Variants in ZC3H7B observed in about 807,000 individuals in gnomAD.
ZC3H7B encodes zinc finger CCCH-type containing 7B.
A neutral mutation model predicts 116.0 loss-of-function variants in ZC3H7B; 35 were observed. The observed-to-expected ratio is 0.30, with a 90% CI of 0.23 to 0.40. The LOEUF (loss-of-function observed/expected upper bound fraction) is 0.40. Among genes scored for constraint, ZC3H7B ranks in the 10% least tolerant of loss-of-function variants. ZC3H7B has a pLI of 1.00. For synonymous variants in ZC3H7B, 502 were observed against 545.6 expected (o/e 0.92, Z 1.11); for missense variants, 1,011 against 1,321.5 (o/e 0.77, Z 3.64).
intron 6 of ZC3H7B, among the ~76,000 whole-genome samples, chr22:41,331,927 TGA>T (rs2036388713): frequency 1.3e-5 from 2 of 152,262 alleles, no homozygotes; most frequent in South Asian, 4.2e-4. Flanking sequence ...GCATGGTGCC[TGA>T]CACACAGTAG....
rs1569245346 is a variant in ZC3H7B at position 41,356,783 on chromosome 22, A to G, written c.2656A>G (p.Met886Val). ...DASGWAFRFP[M>V]GEFRLCDRLQ... ...CAGCGGCTGGGCCTTCCGCTTCCCC[A>G]TGGGCGAGTTCCGGCTCTGCGACAG... The change falls in exon 22 of 23, where the codon ATG (methionine) becomes GTG (valine). Residue 886 changes from methionine (M) to valine (V), a missense_variant. By Grantham distance (21) the Met-to-Val change is conservative. Transcript: ENST00000352645. The G allele has an allele frequency of 1.2e-6, 2 of 1,613,482 alleles. No homozygotes were observed. The highest frequency in any genetic ancestry group is 1.7e-5 in the Admixed American group (1 of 60,034).
Position 41,340,048 on chromosome 22 carries a change from A to G in ZC3H7B, c.1049A>G (p.Asp350Gly), listed in dbSNP as rs2036499788. The change falls in exon 10 of 23, where the codon GAC becomes GGC. Residue 350 changes from aspartate to glycine, a missense_variant. Coordinates refer to ENST00000352645, the MANE Select transcript of ZC3H7B (RefSeq NM_017590.6). ...DPPGPTLDPL[D>G]LLPYSETRLD... ...CCGGGCCCCACGCTGGACCCCCTGGACCTGCTGCCGTACTCGGAGACCCGG... is the reference window on the plus strand; with the variant it reads ...CCGGGCCCCACGCTGGACCCCCTGGGCCTGCTGCCGTACTCGGAGACCCGG... 6.2e-7 allele frequency: 1 copy of G among 1,611,270 alleles called. No homozygotes were observed. Among genetic ancestry groups the G allele is most frequent in the African/African-American group, 1.3e-5 (1 of 74,792 alleles).
At chr22:41,329,976 TGAGCCCGGGCA>T in intron 5 of ZC3H7B, 36 bp from the exon 6 acceptor site, 1 of 1,602,402 alleles carries the variant, frequency 6.2e-7, no homozygotes, top group Non-Finnish European at 8.5e-7. Flanking sequence ...CACAGCTTTG[TGAGCCCGGGCA>T]GACTGACCCA....
intron 1 of ZC3H7B, among the ~76,000 whole-genome samples, chr22:41,303,619 C>A (rs975826198): frequency 1.3e-5 from 2 of 152,182 alleles, no homozygotes; most frequent in African/African-American, 4.8e-5. Flanking sequence ...AGATAAGAAA[C>A]CTTAGGCCGA....
At chr22:41,314,891 A>T (rs1300174541) in intron 1 of ZC3H7B, among the ~76,000 whole-genome samples, 1 of 122,670 alleles carries the variant, frequency 8.2e-6, no homozygotes, top group East Asian at 2.0e-4. Context: ...TACAGGCATG[A>T]GTCACCATGC....
chr22:41,354,066 C>T (rs1271518065), intron 17 of ZC3H7B, among the ~76,000 whole-genome samples: 1 of 152,182 alleles, frequency 6.6e-6, no homozygotes, highest in Non-Finnish European at 1.5e-5. Flanking sequence ...CCCCTCTTGC[C>T]ACCTGCTATG....
At chr22:41,306,729 G>C (rs1434586647) in intron 1 of ZC3H7B, among the ~76,000 whole-genome samples, 1 of 152,168 alleles carries the variant, frequency 6.6e-6, no homozygotes, top group Non-Finnish European at 1.5e-5. Flanking sequence ...CATTTTACAG[G>C]TGAAGAAACT....
At chr22:41,348,502 G>A (rs919697528) in intron 15 of ZC3H7B, among the ~76,000 whole-genome samples, 1 of 152,190 alleles carries the variant, frequency 6.6e-6, no homozygotes, top group Non-Finnish European at 1.5e-5. Flanking sequence ...AGCAAGCGGG[G>A]GGCCTCGTCT....
Position 41,351,592 on chromosome 22 carries a change from T to C in ZC3H7B, c.1980T>C (p.Ser660=), listed in dbSNP as rs767326738. The change falls in exon 17 of 23, where the codon TCT becomes TCC. Residue 660 remains serine (S), a synonymous_variant. Coordinates refer to ENST00000352645, the MANE Select transcript of ZC3H7B (RefSeq NM_017590.6). The surrounding 1 kb of genome is among the most constrained non-coding windows in gnomAD (Gnocchi z 5.1). ...CCCACGAAGACATCGTTCAGGAGTC[T>C]AAGAAGTACTGGCAGCAGATGGAGG... ...GMTHEDIVQE[S]KKYWQQMEAH... 1 of 1,613,970 alleles carries C rather than the reference T, an allele frequency of 6.2e-7. No individual in the cohort carries two copies. The highest frequency in any genetic ancestry group is 8.5e-7 in the Non-Finnish European group (1 of 1,179,968).
At position 41,356,038 on chromosome 22, in the gene ZC3H7B, T is replaced by G. The variant is rs2036711654; in HGVS notation, c.2359T>G (p.Trp787Gly). 1 of 1,567,302 alleles carries G rather than the reference T, an allele frequency of 6.4e-7. No individual in the cohort carries two copies. Among genetic ancestry groups the G allele is most frequent in the Non-Finnish European group, 8.6e-7 (1 of 1,162,166 alleles). ...FAHSPEERDM[W>G]TFMKENKILD... ...ACACAGCCCGGAGGAGAGGGACATG[T>G]GGACCTTCATGAAGGAGAACAAGAG... The change falls in exon 20 of 23, where the codon TGG becomes GGG. Residue 787 changes from tryptophan (W) to glycine (G), a missense_variant. Around this residue, in one of 5 missense-constraint regions of ZC3H7B, gnomAD observed 406 missense variants for 590.2 expected, o/e 0.69. Transcript: ENST00000352645.
chr22:41,327,518 A>G lies in ZC3H7B; in HGVS notation c.444+154A>G, dbSNP rs112149570. Among the ~76,000 whole-genome samples the G allele has an allele frequency of 1.1e-3, 175 of 152,290 alleles. 2 individuals are homozygous for G. Among genetic ancestry groups the G allele is most frequent in the African/African-American group, 3.9e-3 (164 of 41,560 alleles). On this transcript the variant is annotated intron_variant, in intron 5 of 22. Transcript: ENST00000352645. The surrounding 1 kb of genome is among the most constrained non-coding windows in gnomAD (Gnocchi z 4.5). Reference sequence around the variant, plus strand: ...GATCCTGATGTTAACACTAGCTCCCATTCTCTGAGCGCTGACTGGGTGCCA... The same window carrying G: ...GATCCTGATGTTAACACTAGCTCCCGTTCTCTGAGCGCTGACTGGGTGCCA...
At chr22:41,356,844 G>A (rs758786112) in intron 22 of ZC3H7B, 36 bp downstream of exon 22, 2 of 1,610,952 alleles carry the variant, frequency 1.2e-6, no homozygotes, top group South Asian at 2.2e-5. Context: ...CGGGACATGG[G>A]GTGGCCCGAG....
Position 41,343,403 on chromosome 22 carries a change from C to A in ZC3H7B, c.1298-12C>A. 6 of 1,602,806 alleles carry A rather than the reference C, an allele frequency of 3.7e-6. No individual in the cohort carries two copies. The highest frequency in any genetic ancestry group is 5.1e-6 in the Non-Finnish European group (6 of 1,171,906). ...CTTCCGGAATTATCATGTGTGTCCA[C>A]CCTGCCCATAGGCCCCCGGGCTGGC... On this transcript the variant is annotated splice_polypyrimidine_tract_variant and intron_variant, in intron 12 of 22. Coordinates refer to ENST00000352645, the MANE Select transcript of ZC3H7B (RefSeq NM_017590.6).
In ZC3H7B at chr22:41,339,204, A is replaced by G. The variant is rs750706816; in HGVS notation, c.816+13A>G. ...CCTGGACTCGCTGGTGAGCCACACCACCCTCCTTGTGCTCCCCTGATCCCC... is the reference window on the plus strand; with the variant it reads ...CCTGGACTCGCTGGTGAGCCACACCGCCCTCCTTGTGCTCCCCTGATCCCC... On this transcript the variant is annotated intron_variant, in intron 9 of 22. Transcript: ENST00000352645. 1.3e-6 allele frequency: 2 copies of G among 1,588,902 alleles called. No homozygotes were observed. The highest frequency in any genetic ancestry group is 1.2e-5 in the South Asian group (1 of 86,804).
intron 1 of ZC3H7B, among the ~76,000 whole-genome samples, chr22:41,305,996 A>G (rs893111588): frequency 2.0e-5 from 3 of 152,218 alleles, no homozygotes; most frequent in African/African-American, 7.2e-5. Context: ...CCATTTGAAC[A>G]TCTGAAAGAT....
rs1401896950 is a variant in ZC3H7B, at chr22:41,349,969, T to C, written c.1948+668T>C. 1.3e-5 allele frequency among the ~76,000 whole-genome samples: 2 copies of C among 152,224 alleles called. No individual in the cohort carries two copies. Among genetic ancestry groups the C allele is most frequent in the Non-Finnish European group, 2.9e-5 (2 of 68,036 alleles). On this transcript the variant is annotated intron_variant, in intron 16 of 22. Coordinates refer to ENST00000352645, the MANE Select transcript of ZC3H7B (RefSeq NM_017590.6). The surrounding 1 kb of genome is among the most constrained non-coding windows in gnomAD (Gnocchi z 4.9). ...GGGCGGGGATTTAAAATATGGTACATATAACATTCAGTGTCTGCTTAGAGT... is the reference window on the plus strand; with the variant it reads ...GGGCGGGGATTTAAAATATGGTACACATAACATTCAGTGTCTGCTTAGAGT...
chr22:41,332,249 C>A (rs1480771830), intron 7 of ZC3H7B, 22 bp downstream of exon 7: 3 of 1,613,854 alleles, frequency 1.9e-6, no homozygotes, highest in Non-Finnish European at 2.5e-6. Flanking sequence ...GCTGAACCAA[C>A]CTGTCTCAGT....
Position 41,357,321 on chromosome 22 carries a change from GGAC to G in ZC3H7B, c.2833_2835del (p.Asp945del). Reference sequence around the variant, plus strand: ...GCAAGGACATGCTGCTGTGCCCACGGGACGACGACTTTGGCAAATACAACTTCC... The same window carrying G: ...GCAAGGACATGCTGCTGTGCCCACGGGACGACTTTGGCAAATACAACTTCC... On this transcript the variant is annotated inframe_deletion, in exon 23 of 23. Transcript: ENST00000352645. This position sits in a 1 kb window ranked among gnomAD's most constrained non-coding sequence, Gnocchi z 5.4. The G allele has an allele frequency of 6.2e-7, 1 of 1,613,772 alleles. No homozygotes were observed. The highest frequency in any genetic ancestry group is 8.5e-7 in the Non-Finnish European group (1 of 1,179,992).
At chr22:41,303,892 G>A (rs1311404062) in intron 1 of ZC3H7B, among the ~76,000 whole-genome samples, 1 of 151,626 alleles carries the variant, frequency 6.6e-6, no homozygotes, top group Non-Finnish European at 1.5e-5. Flanking sequence ...TGAGTAGCTG[G>A]GACTACAGGC....
Sources: gnomAD v4.1 joint callset for allele counts (sites outside exome capture counted in the v4.1 genomes callset) on GRCh38, gnomAD v4.1.1 for gene constraint, gnomAD v4.1.1 regional missense constraint, Gnocchi (gnomAD v3.1) non-coding constraint, MANE v1.5 for transcripts, NCBI Gene and HGNC (gene_info 2026-07-23, HGNC 2026-07-21) for gene names.